Variants in PCDH15 observed in about 807,000 individuals in gnomAD.
The protein encoded by PCDH15 is protocadherin-15.
Under a neutral mutation model 178.5 loss-of-function variants are expected in PCDH15, and 129 were observed. The observed-to-expected ratio is 0.72, with a 90% CI of 0.63 to 0.84. The LOEUF (loss-of-function observed/expected upper bound fraction) is 0.84. Ranked by LOEUF, PCDH15 falls within the 40% of genes least tolerant of loss-of-function variation. PCDH15 has a pLI of 0.00. For synonymous variants in PCDH15, 800 were observed against 732.0 expected (o/e 1.09, Z -1.50); for missense variants, 2,230 against 2,099.9 (o/e 1.06, Z -1.21).
intron 21 of PCDH15, among the ~76,000 whole-genome samples, chr10:53,981,612 C>A (rs10825182): frequency 0.24 from 35,275 of 149,934 alleles, 4,412 homozygotes; most frequent in East Asian, 0.5. Context: ...AACTGGCTAG[C>A]CATATGTAGA....
intron 3 of PCDH15, among the ~76,000 whole-genome samples, chr10:54,888,523 C>T (rs1564605263): frequency 6.6e-6 from 1 of 151,842 alleles, no homozygotes; most frequent in East Asian, 1.9e-4. Context: ...TAAATCTTTG[C>T]ATACACATAT....
chr10:55,463,943 AAG>A lies in PCDH15; in HGVS notation c.-156+163680_-156+163681del, dbSNP rs1554873306. 6.3e-3 allele frequency among the ~76,000 whole-genome samples: 330 copies of A among 52,506 alleles called. 54 individuals carry two copies. The highest frequency in any genetic ancestry group is 0.027 in the East Asian group (17 of 626). 34.4% of individuals were successfully genotyped at this position (52,506 alleles called of 152,430 possible). On this transcript the variant is annotated intron_variant, in intron 2 of 5. Coordinates refer to the PCDH15 transcript ENST00000613346. ...AAAGAAAGAAAGAAAGAAAGAAAGA[AAG>A]AAAGAAAGAAAGAAAGAAAGAAAGA...
intron 18 of PCDH15, among the ~76,000 whole-genome samples, chr10:54,040,690 T>C (rs773733809): frequency 3.3e-5 from 5 of 152,018 alleles, no homozygotes; most frequent in Non-Finnish European, 5.9e-5. Context: ...AGGAATATTT[T>C]ACAAAAGCAT....
rs982438184 is a variant in PCDH15, at chr10:55,295,395, G to A, written c.-156+24204C>T. On this transcript the variant is annotated intron_variant, in intron 1 of 5. Coordinates refer to the PCDH15 transcript ENST00000458638. ...CACAAATCCATGCACAGAAAGTCAG[G>A]CTCAGGCCAAGGATTTCTTTCAATT... is the stretch of plus-strand genomic sequence containing the variant. Among the ~76,000 whole-genome samples the A allele has an allele frequency of 5.9e-5, 9 of 152,286 alleles. No homozygotes were observed. In the East Asian group the frequency reaches 1.7e-3, roughly 29 times the overall value.
intron 22 of PCDH15, 47 bp from the exon 23 acceptor site, chr10:53,959,891 G>C (rs761677825): frequency 2.1e-6 from 3 of 1,414,786 alleles, no homozygotes; most frequent in South Asian, 1.2e-5. Context: ...AGTAAGAACA[G>C]CGTAACAGCA....
intron 2 of PCDH15, among the ~76,000 whole-genome samples, chr10:54,570,115 T>C (rs1001420754): frequency 6.6e-6 from 1 of 151,940 alleles, no homozygotes; most frequent in African/African-American, 2.4e-5. Flanking sequence ...GAGTATGTAA[T>C]TGTGTGATAG....
At chr10:54,943,114 A>G (rs780819883) in intron 2 of PCDH15, among the ~76,000 whole-genome samples, 8 of 152,128 alleles carry the variant, frequency 5.3e-5, no homozygotes, top group Middle Eastern at 3.4e-3. Flanking sequence ...TATTCTTACA[A>G]TTCTGTATGT....
chr10:54,063,939 C>T (rs1214802068), intron 18 of PCDH15, among the ~76,000 whole-genome samples: 1 of 152,132 alleles, frequency 6.6e-6, no homozygotes, highest in South Asian at 2.1e-4. Context: ...TTTTGTTGCT[C>T]GCCACATGGT....
intron 8 of PCDH15, among the ~76,000 whole-genome samples, chr10:54,272,461 G>A (rs536781796): frequency 2.2e-3 from 339 of 152,112 alleles, no homozygotes; most frequent in African/African-American, 7.9e-3. Flanking sequence ...TGTCAGATAT[G>A]GTAATTTGAT....
intron 2 of PCDH15, among the ~76,000 whole-genome samples, chr10:55,121,410 T>C (rs959042566): frequency 1.3e-5 from 2 of 151,754 alleles, no homozygotes; most frequent in Admixed American, 1.3e-4. Context: ...TCCACCGATA[T>C]CTGCTTTAGA....
chr10:53,895,542 A>G (rs1396836006), intron 26 of PCDH15, among the ~76,000 whole-genome samples: 2 of 152,206 alleles, frequency 1.3e-5, no homozygotes, highest in Non-Finnish European at 2.9e-5. Context: ...CCATATGTGC[A>G]ACTTGTAAAG....
At chr10:54,492,801 TA>T (rs964633063) in intron 3 of PCDH15, among the ~76,000 whole-genome samples, 1 of 152,156 alleles carries the variant, frequency 6.6e-6, no homozygotes, top group African/African-American at 2.4e-5. Flanking sequence ...CTTTAATTTA[TA>T]AATTAAACTT....
At chr10:55,529,186 A>T (rs1017119345) in intron 2 of PCDH15, among the ~76,000 whole-genome samples, 4 of 151,662 alleles carry the variant, frequency 2.6e-5, no homozygotes, top group African/African-American at 9.7e-5. Flanking sequence ...TTTCCTGCTC[A>T]CTCTGATGGT....
chr10:54,169,032 A>G (rs1037853902), intron 13 of PCDH15, among the ~76,000 whole-genome samples: 29 of 152,224 alleles, frequency 1.9e-4, no homozygotes, highest in South Asian at 6.2e-4. Context: ...CTTGCTACAC[A>G]TGCAGGAAAT....
At chr10:54,892,227 C>A (rs1349948320) in intron 3 of PCDH15, among the ~76,000 whole-genome samples, 1 of 152,080 alleles carries the variant, frequency 6.6e-6, no homozygotes, top group African/African-American at 2.4e-5. Context: ...TCCTCCCTAG[C>A]TAACAAGAAT....
At chr10:53,874,201 G>T (rs1258149041) in intron 26 of PCDH15, among the ~76,000 whole-genome samples, 1 of 152,038 alleles carries the variant, frequency 6.6e-6, no homozygotes, top group Non-Finnish European at 1.5e-5. Flanking sequence ...TCAGACAATA[G>T]GAGGCAAGGC....
chr10:55,248,073 C>A (rs955022692), intron 1 of PCDH15, among the ~76,000 whole-genome samples: 4 of 148,124 alleles, frequency 2.7e-5, no homozygotes, highest in Non-Finnish European at 5.9e-5. Context: ...TGTCTTTCAC[C>A]TTTACACTTG....
At chr10:55,175,386 A>G (rs1839450906) in intron 1 of PCDH15, among the ~76,000 whole-genome samples, 1 of 152,174 alleles carries the variant, frequency 6.6e-6, no homozygotes, top group Non-Finnish European at 1.5e-5. Context: ...ACCTGATATT[A>G]GGAGGAAGCT....
chr10:55,100,665 T>C (rs1487132184), intron 2 of PCDH15, among the ~76,000 whole-genome samples: 2 of 152,024 alleles, frequency 1.3e-5, no homozygotes, highest in East Asian at 1.9e-4. Flanking sequence ...CCAGCTCTCA[T>C]GCGAACTAAT....
Sources: gnomAD v4.1 joint callset for allele counts (sites outside exome capture counted in the v4.1 genomes callset) on GRCh38, gnomAD v4.1.1 for gene constraint, MANE v1.5 for transcripts, NCBI Gene and HGNC (gene_info 2026-07-23, HGNC 2026-07-21) for gene names.